CBFA2T2: variants seen among roughly 807,000 people sequenced by gnomAD.
CBFA2T2 encodes CBFA2/RUNX1 partner transcriptional co-repressor 2, also known as protein CBFA2T2.
A neutral mutation model predicts 62.2 loss-of-function variants in CBFA2T2; 11 were observed. The ratio of observed to expected loss-of-function variants is 0.18; its 90% CI spans 0.11 to 0.29. The LOEUF (loss-of-function observed/expected upper bound fraction) is 0.29, where lower values mean the gene tolerates loss of function less well. Among genes scored for constraint, CBFA2T2 ranks in the 10% least tolerant of loss-of-function variants. The pLI is 1.00. For missense variants in CBFA2T2, 592 were observed against 774.1 expected (o/e 0.76, Z 2.79); for synonymous variants, 295 against 287.5 (o/e 1.03, Z -0.27).
At chr20:33,559,467 C>G (rs1271255626) in intron 1 of CBFA2T2, among the ~76,000 whole-genome samples, 1 of 152,048 alleles carries the variant, frequency 6.6e-6, no homozygotes, top group African/African-American at 2.4e-5. Flanking sequence ...ATCCACCACT[C>G]CTGGCCCAAT....
chr20:33,526,915 C>T (rs1056126118), intron 1 of CBFA2T2, among the ~76,000 whole-genome samples: 5 of 152,180 alleles, frequency 3.3e-5, no homozygotes, highest in African/African-American at 1.2e-4. Flanking sequence ...GTAAGAGTCA[C>T]AAGCATACTC....
At chr20:33,525,374 T>G (rs934039624) in intron 1 of CBFA2T2, among the ~76,000 whole-genome samples, 3 of 147,324 alleles carry the variant, frequency 2.0e-5, no homozygotes, top group Admixed American at 6.8e-5. Flanking sequence ...TTAGTAGAGA[T>G]GGGGTTTCTC....
chr20:33,649,095 T>G lies in CBFA2T2; in HGVS notation c.*4449T>G, dbSNP rs2017156165. 6.6e-6 allele frequency: 1 copy of G among 152,182 alleles called. No individual in the cohort carries two copies. The highest frequency in any genetic ancestry group is 6.5e-5 in the Admixed American group (1 of 15,278). The allele number at this position is 152,182 out of a possible 1,614,324, so 9.4% of individuals were successfully genotyped here. ...AAAATAGAACACTTCTTGGAGGCTT[T>G]CTTCAGAACTGAACTAGAAACAAGG... On this transcript the variant is annotated 3_prime_UTR_variant, in exon 11 of 11. Transcript: ENST00000342704.
chr20:33,603,537 CAA>C (rs1206980919), intron 1 of CBFA2T2, among the ~76,000 whole-genome samples: 1 of 152,056 alleles, frequency 6.6e-6, no homozygotes, highest in East Asian at 1.9e-4. Flanking sequence ...TCAGAATAAT[CAA>C]AACACAAACT....
At chr20:33,642,200 T>C (rs1221589596) in intron 10 of CBFA2T2, among the ~76,000 whole-genome samples, 2 of 151,236 alleles carry the variant, frequency 1.3e-5, no homozygotes, top group African/African-American at 4.9e-5. Flanking sequence ...CAGGCAGGTC[T>C]TGAACTCCTG....
intron 1 of CBFA2T2, among the ~76,000 whole-genome samples, chr20:33,504,872 T>G (rs2011374393): frequency 6.6e-6 from 1 of 152,208 alleles, no homozygotes; most frequent in African/African-American, 2.4e-5. Context: ...GTGAAATCAA[T>G]TTTGGTCATC....
intron 1 of CBFA2T2, among the ~76,000 whole-genome samples, chr20:33,567,878 C>A (rs1441368327): frequency 6.6e-6 from 1 of 152,188 alleles, no homozygotes; most frequent in Non-Finnish European, 1.5e-5. Context: ...GCCACCACGC[C>A]CAGCCTGTAA....
At chr20:33,552,556 A>C (rs1052409080) in intron 1 of CBFA2T2, among the ~76,000 whole-genome samples, 1 of 152,244 alleles carries the variant, frequency 6.6e-6, no homozygotes, top group African/African-American at 2.4e-5. Flanking sequence ...TTCAAATTCT[A>C]AACATTTTTT....
intron 1 of CBFA2T2, among the ~76,000 whole-genome samples, chr20:33,572,410 G>T (rs966127421): frequency 6.6e-6 from 1 of 152,136 alleles, no homozygotes; most frequent in Non-Finnish European, 1.5e-5. Flanking sequence ...TTAGCTAAAT[G>T]ATATTAACAG....
At chr20:33,527,239 T>A (rs2011913647) in intron 1 of CBFA2T2, among the ~76,000 whole-genome samples, 1 of 152,170 alleles carries the variant, frequency 6.6e-6, no homozygotes, top group Non-Finnish European at 1.5e-5. Flanking sequence ...TCTCACTACA[T>A]CACCCAGGCT....
At chr20:33,614,693 C>G (rs2015646290) in intron 3 of CBFA2T2, among the ~76,000 whole-genome samples, 1 of 152,186 alleles carries the variant, frequency 6.6e-6, no homozygotes, top group African/African-American at 2.4e-5. Flanking sequence ...TTTCACTTAG[C>G]TTAATGTCCT....
chr20:33,500,600 T>C (rs1020419168), intron 1 of CBFA2T2, among the ~76,000 whole-genome samples: 1 of 151,992 alleles, frequency 6.6e-6, no homozygotes, highest in Non-Finnish European at 1.5e-5. Flanking sequence ...TCACAGCTAC[T>C]TGGGAGGCTG....
intron 1 of CBFA2T2, among the ~76,000 whole-genome samples, chr20:33,523,296 T>G (rs2011785182): frequency 6.6e-6 from 1 of 152,148 alleles, no homozygotes; most frequent in South Asian, 2.1e-4. Context: ...TTTTTTTATA[T>G]TTTGAGACAG....
intron 8 of CBFA2T2, among the ~76,000 whole-genome samples, chr20:33,636,135 A>G (rs1238254211): frequency 6.6e-6 from 1 of 151,362 alleles, no homozygotes; most frequent in African/African-American, 2.4e-5. Flanking sequence ...GCACACCTGT[A>G]CTCCCAGCTA....
At chr20:33,642,286 TCTC>T (rs890299906) in intron 10 of CBFA2T2, among the ~76,000 whole-genome samples, 3 of 151,982 alleles carry the variant, frequency 2.0e-5, no homozygotes, top group African/African-American at 4.8e-5. Context: ...ACGCCCAGCT[TCTC>T]CTCCTCCTTT....
In CBFA2T2 at chr20:33,645,821, T is replaced by A. The variant is rs557116357; in HGVS notation, c.*1175T>A. 1.1e-4 allele frequency: 16 copies of A among 152,242 alleles called. No homozygotes were observed. Among genetic ancestry groups the A allele is most frequent in the Non-Finnish European group, 2.9e-5 (2 of 68,054 alleles). 9.4% of individuals were successfully genotyped at this position (152,242 alleles called of 1,614,324 possible). On this transcript the variant is annotated 3_prime_UTR_variant, in exon 11 of 11. Transcript: ENST00000342704. ...ACTTCTGTTTCCTTCTCTTGTGTTATCTGATAGCGTCCCTCCTTGAGCTCA... is the reference window on the plus strand; with the variant it reads ...ACTTCTGTTTCCTTCTCTTGTGTTAACTGATAGCGTCCCTCCTTGAGCTCA...
At chr20:33,610,376 A>G (rs965774077) in intron 2 of CBFA2T2, among the ~76,000 whole-genome samples, 1 of 152,218 alleles carries the variant, frequency 6.6e-6, no homozygotes, top group African/African-American at 2.4e-5. Context: ...AGAAATGACT[A>G]TTAAGAACTA....
At chr20:33,545,478 G>A (rs1030547800) in intron 1 of CBFA2T2, among the ~76,000 whole-genome samples, 3 of 99,384 alleles carry the variant, frequency 3.0e-5, no homozygotes, top group African/African-American at 9.9e-5. Context: ...TCTTTCGTTC[G>A]TTTGTTTTCC....
intron 1 of CBFA2T2, among the ~76,000 whole-genome samples, chr20:33,529,361 A>G (rs1317165790): frequency 6.6e-6 from 1 of 152,064 alleles, no homozygotes; most frequent in Non-Finnish European, 1.5e-5. Context: ...TTTCTCACAG[A>G]TTCATGTTCT....
Sources: allele counts gnomAD v4.1 joint callset (sites outside exome capture counted in the v4.1 genomes callset), GRCh38; gene constraint gnomAD v4.1.1; transcripts MANE v1.5; gene names NCBI Gene and HGNC (gene_info 2026-07-23, HGNC 2026-07-21).